GABRB2: variants seen among roughly 807,000 people sequenced by gnomAD.
GABRB2 encodes the protein gamma-aminobutyric acid receptor subunit beta-2.
Under a neutral mutation model 54.7 loss-of-function variants are expected in GABRB2, and 16 were observed. The ratio of observed to expected loss-of-function variants is 0.29; its 90% CI spans 0.20 to 0.44. The LOEUF (loss-of-function observed/expected upper bound fraction) is 0.44, where lower values mean the gene tolerates loss of function less well. Among genes scored for constraint, GABRB2 ranks in the 20% least tolerant of loss-of-function variants. The pLI is 1.00. For synonymous variants in GABRB2, 244 were observed against 233.8 expected (o/e 1.04, Z -0.40); for missense variants, 355 against 644.0 (o/e 0.55, Z 4.86).
At chr5:161,528,347 G>A (rs1760348229) in intron 3 of GABRB2, among the ~76,000 whole-genome samples, 1 of 151,376 alleles carries the variant, frequency 6.6e-6, no homozygotes, top group Admixed American at 6.6e-5. Context: ...TTTCTACAGT[G>A]GACATAAATA....
intron 9 of GABRB2, among the ~76,000 whole-genome samples, chr5:161,316,002 T>C (rs1758018306): frequency 6.6e-6 from 1 of 152,206 alleles, no homozygotes; most frequent in South Asian, 2.1e-4. Context: ...GTATACTCTT[T>C]GTAAGTGTAT....
chr5:161,498,949 G>A (rs1759340899), intron 3 of GABRB2, among the ~76,000 whole-genome samples: 1 of 152,162 alleles, frequency 6.6e-6, no homozygotes. Flanking sequence ...AGCTACGCTT[G>A]ATGCTCTGCT....
In GABRB2 at chr5:161,360,116, A is replaced by G. The variant is rs1754764457; in HGVS notation, c.542-23347T>C. Among the ~76,000 whole-genome samples, 5 of 152,158 alleles carry G rather than the reference A, an allele frequency of 3.3e-5. No individual in the cohort carries two copies. In the South Asian group the frequency reaches 1.0e-3, roughly 32 times the overall value. On this transcript the variant is annotated intron_variant, in intron 5 of 9. Coordinates refer to ENST00000393959, the MANE Select transcript of GABRB2 (RefSeq NM_001371727.1). ...AAATTGTAAAAAGATTATGTATTTC[A>G]TAGAGTAGGCTACTGAAAAGACCTT...
chr5:161,400,010 C>A, intron 5 of GABRB2, among the ~76,000 whole-genome samples: 1 of 152,062 alleles, frequency 6.6e-6, no homozygotes, highest in South Asian at 2.1e-4. Flanking sequence ...TGGAGGCTAT[C>A]ATGAAGAAAG....
chr5:161,412,648 T>C (rs1383256477), intron 4 of GABRB2, among the ~76,000 whole-genome samples: 1 of 152,212 alleles, frequency 6.6e-6, no homozygotes, highest in African/African-American at 2.4e-5. Context: ...AGTCCTTTCC[T>C]TCCTTCCCAG....
chr5:161,527,207 A>G (rs978743042), intron 3 of GABRB2, among the ~76,000 whole-genome samples: 1 of 151,438 alleles, frequency 6.6e-6, no homozygotes, highest in Admixed American at 6.6e-5. Context: ...AGGATTTCCT[A>G]TGTGGTAAAG....
chr5:161,519,707 T>TTCA (rs1760055119), intron 3 of GABRB2, among the ~76,000 whole-genome samples: 2 of 152,238 alleles, frequency 1.3e-5, no homozygotes, highest in South Asian at 4.1e-4. Context: ...AGAAAAATCT[T>TTCA]TCACATTTTT....
chr5:161,441,544 G>T (rs976095687), intron 4 of GABRB2, among the ~76,000 whole-genome samples: 1 of 152,160 alleles, frequency 6.6e-6, no homozygotes, highest in African/African-American at 2.4e-5. Flanking sequence ...AGAACAGTTT[G>T]GTGGTTCCTC....
intron 5 of GABRB2, among the ~76,000 whole-genome samples, chr5:161,393,385 G>A (rs1755896835): frequency 7.3e-6 from 1 of 137,698 alleles, no homozygotes; most frequent in South Asian, 2.3e-4. Flanking sequence ...GTACAAAAAG[G>A]CCACGGGCTG....
chr5:161,471,899 C>T (rs911626990), intron 3 of GABRB2, among the ~76,000 whole-genome samples: 1 of 151,842 alleles, frequency 6.6e-6, no homozygotes, highest in African/African-American at 2.4e-5. Context: ...AATGTTAATA[C>T]TTAACATTGT....
At chr5:161,546,816 A>AC (rs1388094705), upstream of GABRB2, 1 of 1,416,302 alleles carries the variant, frequency 7.1e-7, no homozygotes. Flanking sequence ...AAAAAAAAAA[A>AC]AAATTAAAAG....
Position 161,289,780 on chromosome 5 carries a change from T to G in GABRB2, c.*4301A>C, listed in dbSNP as rs1279237123. On this transcript the variant is annotated 3_prime_UTR_variant, in exon 10 of 10. Transcript: ENST00000393959. ...GACAGAGTGGGTGAGCAAAAGATTATGTGTGTTTGAGTGTGTGTGTGTGTG... is the reference window on the plus strand; with the variant it reads ...GACAGAGTGGGTGAGCAAAAGATTAGGTGTGTTTGAGTGTGTGTGTGTGTG... 7.6e-6 allele frequency: 1 copy of G among 132,014 alleles called. No individual in the cohort carries two copies. Among genetic ancestry groups the G allele is most frequent in the Non-Finnish European group, 1.5e-5 (1 of 64,656 alleles). 8.2% of individuals were successfully genotyped at this position (132,014 alleles called of 1,614,324 possible). A position where few individuals can be genotyped will look rare whatever the true frequency, so the allele number is the denominator to read the frequency against.
Position 161,484,663 on chromosome 5 carries a change from C to T in GABRB2, c.238-24819G>A, listed in dbSNP as rs1297368466. 1.3e-5 allele frequency among the ~76,000 whole-genome samples: 2 copies of T among 151,986 alleles called. 1 individual carries two copies. The highest frequency in any genetic ancestry group is 3.9e-4 in the East Asian group (2 of 5,146). ...GACATCCAAGGTCCACAGCAAAGAG[C>T]TTACTTTGCGTTATGTAAACTCTAC... On this transcript the variant is annotated intron_variant, in intron 3 of 9. Transcript: ENST00000393959.
intron 4 of GABRB2, among the ~76,000 whole-genome samples, chr5:161,424,222 G>A (rs1756931994): frequency 6.6e-6 from 1 of 152,144 alleles, no homozygotes; most frequent in South Asian, 2.1e-4. Flanking sequence ...AATCAATGAA[G>A]GTGGCTACTC....
chr5:161,331,944 T>A (rs992763877), intron 7 of GABRB2, among the ~76,000 whole-genome samples: 2 of 151,704 alleles, frequency 1.3e-5, no homozygotes, highest in Non-Finnish European at 2.9e-5. Context: ...GGCGGGTGGA[T>A]CACGAGGTCA....
chr5:161,541,091 C>T (rs992471871), intron 3 of GABRB2, among the ~76,000 whole-genome samples: 2 of 152,032 alleles, frequency 1.3e-5, no homozygotes, highest in Non-Finnish European at 2.9e-5. Flanking sequence ...AGGTATTTGC[C>T]GGCCTCAGCC....
chr5:161,435,316 C>G (rs1280429917), intron 4 of GABRB2, among the ~76,000 whole-genome samples: 5 of 151,912 alleles, frequency 3.3e-5, no homozygotes, highest in Admixed American at 3.3e-4. Context: ...GATTATGTAG[C>G]CTTCAAGATA....
chr5:161,313,188 G>A (rs1272608600), intron 9 of GABRB2, among the ~76,000 whole-genome samples: 1 of 152,172 alleles, frequency 6.6e-6, no homozygotes, highest in Non-Finnish European at 1.5e-5. Flanking sequence ...CTGGAATAGA[G>A]TCTCGTGTTT....
chr5:161,454,116 G>A (rs1757876574), intron 4 of GABRB2, among the ~76,000 whole-genome samples: 1 of 151,822 alleles, frequency 6.6e-6, no homozygotes, highest in Non-Finnish European at 1.5e-5. Context: ...GAAAATGGAG[G>A]AGTGATAAGA....
Sources: allele counts gnomAD v4.1 joint callset (sites outside exome capture counted in the v4.1 genomes callset), GRCh38; gene constraint gnomAD v4.1.1; transcripts MANE v1.5; gene names NCBI Gene and HGNC (gene_info 2026-07-23, HGNC 2026-07-21).